The following SLC25A24 variants were observed in gnomAD, a reference collection of about 807,000 sequenced individuals.
The protein encoded by SLC25A24 is solute carrier family 25 member 24, also known as mitochondrial adenyl nucleotide antiporter SLC25A24.
A neutral mutation model predicts 60.7 loss-of-function variants in SLC25A24; 49 were observed. The observed-to-expected ratio is 0.81, with a 90% CI of 0.64 to 1.02. The LOEUF (loss-of-function observed/expected upper bound fraction) is 1.02, where lower values mean the gene tolerates loss of function less well. Ranked by LOEUF, SLC25A24 falls within the 50% of genes least tolerant of loss-of-function variation. The probability of loss-of-function intolerance (pLI) is 0.00; values close to 1 mark genes in which losing one functional copy is unlikely to be tolerated. For synonymous variants in SLC25A24, 202 were observed against 200.6 expected (o/e 1.01, Z -0.06); for missense variants, 564 against 586.3 (o/e 0.96, Z 0.39).
intron 1 of SLC25A24, among the ~76,000 whole-genome samples, chr1:108,188,257 A>T (rs1204459798): frequency 6.6e-6 from 1 of 152,024 alleles, no homozygotes; most frequent in Non-Finnish European, 1.5e-5. Flanking sequence ...GGGTTGAAAA[A>T]TTATCGATTG....
chr1:108,180,882 T>A (rs938353621), intron 3 of SLC25A24, among the ~76,000 whole-genome samples: 2 of 152,248 alleles, frequency 1.3e-5, no homozygotes, highest in African/African-American at 4.8e-5. Flanking sequence ...GGCTTAGAAT[T>A]TGCATTATTC....
intron 5 of SLC25A24, among the ~76,000 whole-genome samples, chr1:108,156,394 A>G (rs916113708): frequency 1.3e-5 from 2 of 152,246 alleles, no homozygotes; most frequent in East Asian, 3.8e-4. Context: ...AAAATAGGAC[A>G]AAGGAAAAAA....
chr1:108,185,763 T>C, intron 2 of SLC25A24, 65 bp downstream of exon 2: 1 of 1,227,176 alleles, frequency 8.1e-7, no homozygotes, highest in East Asian at 2.4e-5. Flanking sequence ...AGCATCCTTT[T>C]AGACTCTTGA....
chr1:108,184,425 T>G (rs1336670406), intron 2 of SLC25A24, among the ~76,000 whole-genome samples: 1 of 152,222 alleles, frequency 6.6e-6, no homozygotes, highest in African/African-American at 2.4e-5. Flanking sequence ...GGGGCATATA[T>G]TGTAAGGCTT....
intron 3 of SLC25A24, among the ~76,000 whole-genome samples, chr1:108,180,136 G>C (rs1490909232): frequency 6.6e-6 from 1 of 152,020 alleles, no homozygotes; most frequent in African/African-American, 2.4e-5. Flanking sequence ...GGCCAAGATG[G>C]GTGGATCACC....
At chr1:108,187,922 T>TTATATATATATATATATATA (rs1470627510) in intron 1 of SLC25A24, among the ~76,000 whole-genome samples, 993 of 50,954 alleles carry the variant, frequency 0.019, 28 homozygotes, top group African/African-American at 0.023. Flanking sequence ...GGATAAGACA[T>TTATATATATATATATATATA]TATAGATATA....
chr1:108,149,905 T>G (rs888047321), intron 6 of SLC25A24, among the ~76,000 whole-genome samples: 31 of 152,206 alleles, frequency 2.0e-4, no homozygotes, highest in African/African-American at 7.2e-4. Context: ...AGCAAATCTG[T>G]GTTTTGCTGC....
chr1:108,138,337 G>C (rs1304316917), intron 9 of SLC25A24, among the ~76,000 whole-genome samples: 1 of 152,184 alleles, frequency 6.6e-6, no homozygotes, highest in African/African-American at 2.4e-5. Flanking sequence ...AGGGAGGTTG[G>C]GAATAGAGCT....
At chr1:108,162,383 G>T (rs1680113326) in intron 3 of SLC25A24, among the ~76,000 whole-genome samples, 2 of 150,144 alleles carry the variant, frequency 1.3e-5, no homozygotes, top group South Asian at 4.3e-4. Context: ...ACTTCCACAA[G>T]GGTTGAACTA....
chr1:108,181,101 C>T (rs1017364286), intron 3 of SLC25A24, among the ~76,000 whole-genome samples: 5 of 152,096 alleles, frequency 3.3e-5, no homozygotes, highest in African/African-American at 2.4e-5. Flanking sequence ...AAAGTCATTA[C>T]GTGCTCAGCC....
At chr1:108,178,381 G>A (rs1257134516) in intron 3 of SLC25A24, among the ~76,000 whole-genome samples, 1 of 152,102 alleles carries the variant, frequency 6.6e-6, no homozygotes, top group Non-Finnish European at 1.5e-5. Flanking sequence ...TTCACCTAAT[G>A]GCAAGAGAAT....
In SLC25A24 at chr1:108,187,933, T is replaced by TATATATATATATAG. The variant is rs1553256778; in HGVS notation, c.184-1980_184-1979insCTATATATATATAT. Among the ~76,000 whole-genome samples the TATATATATATATAG allele has an allele frequency of 6.7e-4, 95 of 141,000 alleles. 8 individuals carry two copies. The highest frequency in any genetic ancestry group is 2.4e-3 in the African/African-American group (89 of 37,832). 92.5% of individuals were successfully genotyped at this position (141,000 alleles called of 152,430 possible). Reference sequence around the variant, plus strand: ...AAATGGATAAGACATTATAGATATATATATATATATATTCATGCACTGTAT... The same window carrying TATATATATATATAG: ...AAATGGATAAGACATTATAGATATATATATATATATATAGATATATATATATTCATGCACTGTAT... On this transcript the variant is annotated intron_variant, in intron 1 of 9. Coordinates refer to ENST00000565488, the MANE Select transcript of SLC25A24 (RefSeq NM_013386.5).
intron 2 of SLC25A24, among the ~76,000 whole-genome samples, chr1:108,185,420 G>C (rs1277198931): frequency 2.0e-5 from 3 of 152,074 alleles, no homozygotes; most frequent in Non-Finnish European, 4.4e-5. Context: ...TAATCTGAAA[G>C]TTTTTTAAAT....
intron 7 of SLC25A24, among the ~76,000 whole-genome samples, chr1:108,147,146 C>A (rs1041305990): frequency 1.6e-4 from 25 of 151,938 alleles, no homozygotes; most frequent in African/African-American, 4.8e-4. Context: ...GTCTTGGGAG[C>A]GTGTATGTGT....
At chr1:108,160,243 G>C (rs535541411) in intron 4 of SLC25A24, among the ~76,000 whole-genome samples, 1 of 151,234 alleles carries the variant, frequency 6.6e-6, no homozygotes, top group South Asian at 2.1e-4. Flanking sequence ...CAGACGGGGC[G>C]GCGGGGCAGA....
chr1:108,163,452 G>C (rs929634115), intron 3 of SLC25A24, among the ~76,000 whole-genome samples: 21 of 150,106 alleles, frequency 1.4e-4, no homozygotes, highest in African/African-American at 5.2e-4. Flanking sequence ...CCATTTGTTT[G>C]TATCCTCTTT....
At chr1:108,160,933 G>C (rs543311706) in intron 4 of SLC25A24, among the ~76,000 whole-genome samples, 2 of 152,280 alleles carry the variant, frequency 1.3e-5, no homozygotes, top group Admixed American at 1.3e-4. Context: ...ATCAGAGGGA[G>C]ACCGTGGAAA....
chr1:108,153,901 T>C (rs1450479472), intron 6 of SLC25A24, among the ~76,000 whole-genome samples: 3 of 152,186 alleles, frequency 2.0e-5, no homozygotes, highest in Admixed American at 6.5e-5. Context: ...TTATTTATTT[T>C]AGGCTGTGGC....
At chr1:108,141,809 G>A (rs1329820109) in intron 8 of SLC25A24, among the ~76,000 whole-genome samples, 2 of 152,160 alleles carry the variant, frequency 1.3e-5, no homozygotes, top group African/African-American at 2.4e-5. Context: ...ATTTAATGTA[G>A]TCAAACTCAT....
Sources: gnomAD v4.1 joint callset for allele counts (sites outside exome capture counted in the v4.1 genomes callset) on GRCh38, gnomAD v4.1.1 for gene constraint, MANE v1.5 for transcripts, NCBI Gene and HGNC (gene_info 2026-07-23, HGNC 2026-07-21) for gene names.